EXPH5: variants seen among roughly 807,000 people sequenced by gnomAD.
EXPH5 encodes the protein exophilin-5.
EXPH5 carries 42 observed loss-of-function variants against 41.1 expected under a neutral mutation model. The ratio of observed to expected loss-of-function variants is 1.02; its 90% confidence interval spans 0.80 to 1.32. The LOEUF is 1.32. Ranked by LOEUF, EXPH5 falls within the 40% of genes most tolerant of loss-of-function variation. The pLI, the probability that EXPH5 is intolerant of heterozygous loss-of-function variation, is 0.00. For missense variants in EXPH5, 2,298 were observed against 2,314.5 expected, an observed-to-expected ratio of 0.99 and a Z score of 0.15; for synonymous variants, 798 against 833.5, an observed-to-expected ratio of 0.96 and a Z score of 0.73.
chr11:108,576,325 A>G (rs987556542), intron 1 of EXPH5, among the ~76,000 whole-genome samples: 1 of 152,210 alleles, frequency 6.6e-6, no homozygotes, highest in Non-Finnish European at 1.5e-5. Context: ...AAGACAGACA[A>G]AAATTATATA....
intron 1 of EXPH5, among the ~76,000 whole-genome samples, chr11:108,554,152 C>T (rs2093980475): frequency 6.6e-6 from 1 of 151,548 alleles, no homozygotes; most frequent in Admixed American, 6.6e-5. Context: ...CAACCTCTGC[C>T]TCCTGGGTTC....
At position 108,514,593 on chromosome 11, in the gene EXPH5, A is replaced by T. The variant is rs767952619; in HGVS notation, c.914T>A (p.Val305Asp). The change falls in exon 6 of 6, where the codon GTC becomes GAC. Residue 305 changes from valine (V) to aspartate (D), a missense_variant. Transcript: ENST00000265843. ...CTTTTGCACATAATCTTCTTTAAAG[A>T]CTCTGGGCTCCCTTGTCCTATACAT... is the stretch of plus-strand genomic sequence containing the variant. ...YDMYRTREPR[V>D]FKEDYVQKNT... 7 of 1,613,566 alleles carry T rather than the reference A, an allele frequency of 4.3e-6. No individual in the cohort carries two copies. The highest frequency in any genetic ancestry group is 5.9e-6 in the Non-Finnish European group (7 of 1,179,868).
chr11:108,538,047 G>A, intron 3 of EXPH5: 2 of 985,342 alleles, frequency 2.0e-6, no homozygotes, highest in Non-Finnish European at 2.4e-6. Flanking sequence ...TCTTTCATCA[G>A]ACAAAAACAG....
At chr11:108,586,365 A>ATTGGCAATGTC (rs1591761653) in intron 1 of EXPH5, among the ~76,000 whole-genome samples, 1 of 152,106 alleles carries the variant, frequency 6.6e-6, no homozygotes, top group East Asian at 1.9e-4. Flanking sequence ...ATTCTTTAAC[A>ATTGGCAATGTC]AATAAAACGG....
At chr11:108,563,547 C>CGGGCCAT (rs752392928) in intron 1 of EXPH5, among the ~76,000 whole-genome samples, 11 of 152,154 alleles carry the variant, frequency 7.2e-5, no homozygotes, top group Non-Finnish European at 1.2e-4. Context: ...TGCCGGGCCA[C>CGGGCCAT]GGGCCATCTC....
chr11:108,530,499 C>T (rs1193234876), intron 3 of EXPH5, among the ~76,000 whole-genome samples: 1 of 152,166 alleles, frequency 6.6e-6, no homozygotes, highest in Non-Finnish European at 1.5e-5. Context: ...GTACAAGAGG[C>T]TAAAGAATAG....
intron 4 of EXPH5, among the ~76,000 whole-genome samples, 177 bp downstream of exon 4, chr11:108,527,959 C>G (rs1413077818): frequency 6.6e-6 from 1 of 152,198 alleles, no homozygotes; most frequent in Non-Finnish European, 1.5e-5. Context: ...ATTCCAGTAT[C>G]AAAGTCAACT....
intron 1 of EXPH5, among the ~76,000 whole-genome samples, chr11:108,554,568 T>C (rs1412910723): frequency 1.3e-5 from 2 of 151,944 alleles, no homozygotes; most frequent in Admixed American, 1.3e-4. Flanking sequence ...GGAGGGATAA[T>C]GGGGTTGGGG....
At chr11:108,538,908 T>C in intron 3 of EXPH5, 116 bp downstream of exon 3, 1 of 943,664 alleles carries the variant, frequency 1.1e-6, no homozygotes. Flanking sequence ...TTGTTCTTAA[T>C]ACCAATTGAA....
chr11:108,579,984 G>T (rs538784698), intron 1 of EXPH5, among the ~76,000 whole-genome samples: 1 of 152,182 alleles, frequency 6.6e-6, no homozygotes, highest in Non-Finnish European at 1.5e-5. Context: ...TCAGGACATT[G>T]GTCTGGGGAA....
intron 1 of EXPH5, among the ~76,000 whole-genome samples, chr11:108,554,325 G>T (rs1330756390): frequency 6.6e-6 from 1 of 152,142 alleles, no homozygotes; most frequent in Non-Finnish European, 1.5e-5. Flanking sequence ...AAAGTGCTGG[G>T]ATTACAGATG....
chr11:108,512,706 T>A lies in EXPH5; in HGVS notation c.2801A>T (p.Gln934Leu). 1.2e-6 allele frequency: 2 copies of A among 1,614,112 alleles called. No homozygotes were observed. Among genetic ancestry groups the A allele is most frequent in the Non-Finnish European group, 1.7e-6 (2 of 1,180,020 alleles). The change falls in exon 6 of 6, where the codon CAG becomes CTG. Residue 934 changes from glutamine (Q) to leucine (L), a missense_variant. Gln to Leu is a moderately radical substitution (Grantham distance 113, BLOSUM62 -2). Transcript: ENST00000265843. Reference sequence around the variant, plus strand: ...GTTTTCTGAGTGGCTTACAATAAACTGATTCTTTTGGTTCTTCCCAGCATT... The same window carrying A: ...GTTTTCTGAGTGGCTTACAATAAACAGATTCTTTTGGTTCTTCCCAGCATT... ...KDNAGKNQKN[Q>L]FIVSHSENQE...
chr11:108,526,163 T>C (rs2093797361), intron 4 of EXPH5, among the ~76,000 whole-genome samples: 1 of 152,000 alleles, frequency 6.6e-6, no homozygotes, highest in Non-Finnish European at 1.5e-5. Flanking sequence ...CCTCAATCAA[T>C]CCTCCCACCT....
At chr11:108,575,348 T>C (rs1207127183) in intron 1 of EXPH5, among the ~76,000 whole-genome samples, 1 of 152,214 alleles carries the variant, frequency 6.6e-6, no homozygotes. Flanking sequence ...TTTGGTAACA[T>C]GTAATGAGAA....
chr11:108,525,729 G>T (rs887474624), intron 4 of EXPH5, among the ~76,000 whole-genome samples: 1 of 151,954 alleles, frequency 6.6e-6, no homozygotes, highest in South Asian at 2.1e-4. Context: ...GGGGAGAATC[G>T]CTATGGCATC....
intron 5 of EXPH5, among the ~76,000 whole-genome samples, chr11:108,515,673 T>C (rs554516328): frequency 6.6e-6 from 1 of 152,262 alleles, no homozygotes; most frequent in Non-Finnish European, 1.5e-5. Context: ...CAAGAAGAGA[T>C]TAAGCAAATT....
At chr11:108,588,220 T>A (rs1018067460) in intron 1 of EXPH5, among the ~76,000 whole-genome samples, 1 of 152,350 alleles carries the variant, frequency 6.6e-6, no homozygotes, top group South Asian at 2.1e-4. Context: ...TTTTTCTATA[T>A]AGGCAGATGG....
rs913142127 is a variant in EXPH5 at position 108,511,417 on chromosome 11, T to A, written c.4090A>T (p.Arg1364Ter). 6.3e-7 allele frequency: 1 copy of A among 1,590,826 alleles called. No individual in the cohort carries two copies. The highest frequency in any genetic ancestry group is 8.5e-7 in the Non-Finnish European group (1 of 1,171,524). ...VSLPEEESKA[R>*]EIFSDNLAKT... ...GCTAAATTATCTGAAAAAATCTCTC[T>A]AGCTTTAGATTCCTCTTCAGGAAGA... is the stretch of plus-strand genomic sequence containing the variant. The change falls in exon 6 of 6, where the codon AGA becomes TGA. Residue 1364 changes from arginine (R) to a stop codon, truncating the protein, a stop_gained. Transcript: ENST00000265843. LOFTEE classifies it low-confidence loss of function (END_TRUNC).
rs538114471 is a variant in EXPH5, at chr11:108,592,138, TC to T, written c.119+1279del. On this transcript the variant is annotated intron_variant, in intron 1 of 5. Coordinates refer to ENST00000265843, the MANE Select transcript of EXPH5 (RefSeq NM_015065.3). ...GGTGTGTGTGGGTGTGGCATACTGTTCTCCTGAAGGCACACTTTCTACACTG... is the reference window on the plus strand; with the variant it reads ...GGTGTGTGTGGGTGTGGCATACTGTTTCCTGAAGGCACACTTTCTACACTG... Among the ~76,000 whole-genome samples, 627 of 152,184 alleles carry T rather than the reference TC, an allele frequency of 4.1e-3. 4 individuals carry two copies. The highest frequency in any genetic ancestry group is 0.014 in the African/African-American group (584 of 41,506).
Sources: gnomAD v4.1 joint callset for allele counts (sites outside exome capture counted in the v4.1 genomes callset) on GRCh38, gnomAD v4.1.1 for gene constraint, MANE v1.5 for transcripts, NCBI Gene and HGNC (gene_info 2026-07-23, HGNC 2026-07-21) for gene names.